Variants in GMDS observed in about 807,000 individuals in gnomAD.
GMDS encodes the protein GDP-mannose 4,6-dehydratase, also known as GDP-mannose 4,6 dehydratase.
In GMDS, 20 loss-of-function variants were observed where a neutral mutation model predicts 49.9. The ratio of observed to expected loss-of-function variants is 0.40; its 90% CI spans 0.28 to 0.58. The LOEUF is 0.58. GMDS is among the 20% of genes least tolerant of loss of function. The pLI is 0.42. For missense variants in GMDS, 362 were observed against 481.4 expected, an observed-to-expected ratio of 0.75 and a Z score of 2.32; for synonymous variants, 177 against 178.6, an observed-to-expected ratio of 0.99 and a Z score of 0.07.
chr6:2,168,413 A>G (rs1282125856), intron 1 of GMDS, among the ~76,000 whole-genome samples: 1 of 152,246 alleles, frequency 6.6e-6, no homozygotes, highest in African/African-American at 2.4e-5. Context: ...TCACTTCCCT[A>G]CAAACAAAAT....
intron 8 of GMDS, among the ~76,000 whole-genome samples, chr6:1,727,220 G>A (rs1445392405): frequency 1.3e-5 from 2 of 152,148 alleles, no homozygotes; most frequent in Non-Finnish European, 2.9e-5. Flanking sequence ...GAACATCCAA[G>A]GTTGACAGCA....
intron 7 of GMDS, among the ~76,000 whole-genome samples, chr6:1,890,185 A>G (rs1189451103): frequency 6.6e-6 from 1 of 151,934 alleles, no homozygotes; most frequent in Non-Finnish European, 1.5e-5. Flanking sequence ...GCTGTCTTAC[A>G]TTATCAATGC....
intron 1 of GMDS, among the ~76,000 whole-genome samples, chr6:2,222,213 G>T (rs1308338836): frequency 1.3e-5 from 2 of 152,112 alleles, no homozygotes; most frequent in Non-Finnish European, 2.9e-5. Flanking sequence ...GTATGATCTG[G>T]GATTGAGTTT....
At chr6:2,162,888 A>C (rs976538266) in intron 1 of GMDS, among the ~76,000 whole-genome samples, 4 of 152,120 alleles carry the variant, frequency 2.6e-5, no homozygotes, top group African/African-American at 9.7e-5. Context: ...GGGCCACTGC[A>C]ATTTCAGTTC....
chr6:1,639,893 A>G (rs998950992), intron 9 of GMDS, among the ~76,000 whole-genome samples: 1 of 152,182 alleles, frequency 6.6e-6, no homozygotes, highest in Non-Finnish European at 1.5e-5. Context: ...AAAACAAAAC[A>G]AAATGAAAAC....
At chr6:1,909,008 G>A (rs1304816196) in intron 7 of GMDS, among the ~76,000 whole-genome samples, 1 of 152,088 alleles carries the variant, frequency 6.6e-6, no homozygotes, top group African/African-American at 2.4e-5. Flanking sequence ...GGGGAAAAAA[G>A]GCTACGTAGA....
intron 7 of GMDS, among the ~76,000 whole-genome samples, chr6:1,763,620 A>T (rs988253135): frequency 6.6e-6 from 1 of 152,162 alleles, no homozygotes; most frequent in Admixed American, 6.5e-5. Context: ...CCTGTGTGTG[A>T]CTGACTCCAG....
intron 1 of GMDS, among the ~76,000 whole-genome samples, chr6:2,151,119 A>C (rs140468857): frequency 7.9e-5 from 12 of 152,266 alleles, no homozygotes; most frequent in African/African-American, 2.9e-4. Flanking sequence ...CTAGCACAAC[A>C]GGGAGACAAT....
intron 1 of GMDS, among the ~76,000 whole-genome samples, chr6:2,145,832 G>C (rs1776529958): frequency 6.6e-6 from 1 of 152,202 alleles, no homozygotes; most frequent in African/African-American, 2.4e-5. Flanking sequence ...TTCAGGACCA[G>C]CCTGGCTACA....
chr6:1,999,658 T>TA lies in GMDS; in HGVS notation c.346-38693dup, dbSNP rs955710088. Among the ~76,000 whole-genome samples, 27 of 144,940 alleles carry TA rather than the reference T, an allele frequency of 1.9e-4. 1 individual carries two copies. In the East Asian group the frequency reaches 4.1e-3, roughly 22 times the overall value. On this transcript the variant is annotated intron_variant, in intron 4 of 10. Coordinates refer to ENST00000380815, the MANE Select transcript of GMDS (RefSeq NM_001500.4). ...AGATCCATTAGAGACATCAGAAACA[T>TA]AAAAAAAAATAAAATGAGAACATAA...
chr6:2,063,019 T>C (rs1024338766), intron 4 of GMDS, among the ~76,000 whole-genome samples: 9 of 152,216 alleles, frequency 5.9e-5, no homozygotes, highest in African/African-American at 1.9e-4. Context: ...TTTGGTGAGA[T>C]CCTATAGACA....
chr6:1,631,031 G>T (rs1762983633), intron 9 of GMDS, among the ~76,000 whole-genome samples: 1 of 152,216 alleles, frequency 6.6e-6, no homozygotes, highest in Non-Finnish European at 1.5e-5. Context: ...AGGGTGTAAA[G>T]ATTTACCCAT....
At chr6:2,112,631 T>C (rs1774612852) in intron 4 of GMDS, among the ~76,000 whole-genome samples, 1 of 152,170 alleles carries the variant, frequency 6.6e-6, no homozygotes. Context: ...TGGAAAAAAA[T>C]GCATTCAATT....
chr6:1,916,079 C>A (rs1761374325), intron 7 of GMDS, among the ~76,000 whole-genome samples: 1 of 152,234 alleles, frequency 6.6e-6, no homozygotes, highest in Non-Finnish European at 1.5e-5. Context: ...GGCATTCTTA[C>A]TGGTGTAAAA....
rs144524764 is a variant in GMDS at position 1,834,110 on chromosome 6, G to A, written c.772-91524C>T. Among the ~76,000 whole-genome samples the A allele has an allele frequency of 5.8e-3, 882 of 152,172 alleles. 6 individuals carry two copies. Among genetic ancestry groups the A allele is most frequent in the South Asian group, 0.02 (94 of 4,818 alleles). On this transcript the variant is annotated intron_variant, in intron 7 of 10. Coordinates refer to ENST00000380815, the MANE Select transcript of GMDS (RefSeq NM_001500.4). ...TTAAAGTTCAATCCTGGTAGGTTAC[G>A]GATTTGCAGGTTAAAATGCTTGGCA...
intron 7 of GMDS, among the ~76,000 whole-genome samples, chr6:1,816,184 A>G (rs1024725977): frequency 2.6e-5 from 4 of 152,208 alleles, no homozygotes; most frequent in East Asian, 3.8e-4. Flanking sequence ...TCATTCGCCT[A>G]TCTATTCACT....
intron 1 of GMDS, among the ~76,000 whole-genome samples, chr6:2,205,779 G>T (rs146022650): frequency 1.3e-5 from 2 of 151,972 alleles, no homozygotes; most frequent in Non-Finnish European, 2.9e-5. Context: ...GTGTGTGTGG[G>T]GGGGGAGGGG....
intron 7 of GMDS, among the ~76,000 whole-genome samples, chr6:1,788,312 C>T (rs369077402): frequency 1.3e-5 from 2 of 152,152 alleles, no homozygotes; most frequent in East Asian, 3.8e-4. Context: ...CTGTGTACTC[C>T]AATAGATTCT....
chr6:2,024,650 C>T (rs910217067), intron 4 of GMDS, among the ~76,000 whole-genome samples: 3 of 151,108 alleles, frequency 2.0e-5, no homozygotes. Context: ...AACCAACAGC[C>T]ATGGAAAAGG....
Sources: allele counts gnomAD v4.1 joint callset (sites outside exome capture counted in the v4.1 genomes callset), GRCh38; gene constraint gnomAD v4.1.1; transcripts MANE v1.5; gene names NCBI Gene and HGNC (gene_info 2026-07-23, HGNC 2026-07-21).